The following SLC4A4 variants were observed in gnomAD, a reference collection of about 807,000 sequenced individuals.
SLC4A4 encodes the protein electrogenic sodium bicarbonate cotransporter 1.
SLC4A4 carries 27 observed loss-of-function variants against 111.5 expected under a neutral mutation model. The ratio of observed to expected loss-of-function variants is 0.24; its 90% CI spans 0.18 to 0.33. The LOEUF is 0.33. SLC4A4 is among the 10% of genes least tolerant of loss of function. The probability of loss-of-function intolerance (pLI) is 1.00; values close to 1 mark genes in which losing one functional copy is unlikely to be tolerated. For synonymous variants in SLC4A4, 443 were observed against 463.4 expected (o/e 0.96, Z 0.57); for missense variants, 909 against 1,315.5 (o/e 0.69, Z 4.78).
intron 12 of SLC4A4, among the ~76,000 whole-genome samples, chr4:71,456,333 A>C (rs1389477633): frequency 6.6e-6 from 1 of 152,178 alleles, no homozygotes; most frequent in East Asian, 1.9e-4. Context: ...AAAACACTGA[A>C]AAAGAGGCAT....
rs1719839577 is a variant in SLC4A4 at position 71,236,707 on chromosome 4, T to C, written c.73+58T>C. On this transcript the variant is annotated intron_variant, in intron 2 of 25. Coordinates refer to ENST00000264485, the MANE Select transcript of SLC4A4 (RefSeq NM_001098484.3). ...GACATACATATGTCTCTATAGATAA[T>C]AACATTCATGCATTTCATATATCTT... 6.6e-6 allele frequency: 9 copies of C among 1,356,538 alleles called. No individual in the cohort carries two copies. The South Asian group carries it at 1.1e-4, about 16-fold the overall frequency. The allele number at this position is 1,356,538 out of a possible 1,614,324, so 84.0% of individuals were successfully genotyped here.
chr4:71,502,673 T>C (rs1191979997), intron 16 of SLC4A4, among the ~76,000 whole-genome samples: 1 of 152,258 alleles, frequency 6.6e-6, no homozygotes, highest in African/African-American at 2.4e-5. Flanking sequence ...TTTATAGTTT[T>C]ATATTGTGGT....
chr4:71,285,906 T>A (rs1723878027), intron 3 of SLC4A4, among the ~76,000 whole-genome samples: 1 of 152,138 alleles, frequency 6.6e-6, no homozygotes. Flanking sequence ...ATTCTCAAAT[T>A]TAAATGAGCA....
chr4:71,151,451 C>T (rs1225843704), intron 2 of SLC4A4, among the ~76,000 whole-genome samples: 3 of 152,254 alleles, frequency 2.0e-5, no homozygotes, highest in Admixed American at 2.0e-4. Flanking sequence ...TTCATTTTCT[C>T]TCTCTGACAT....
chr4:71,332,077 A>G (rs1263463637), intron 3 of SLC4A4, among the ~76,000 whole-genome samples: 4 of 152,020 alleles, frequency 2.6e-5, no homozygotes, highest in Non-Finnish European at 5.9e-5. Flanking sequence ...TTTTTCTCTT[A>G]GGCTAAAGGT....
chr4:71,339,714 T>C (rs1167001066), intron 4 of SLC4A4, among the ~76,000 whole-genome samples: 2 of 152,202 alleles, frequency 1.3e-5, no homozygotes, highest in Non-Finnish European at 2.9e-5. Context: ...TATTGGGGCA[T>C]TGTTTCATTG....
intron 2 of SLC4A4, among the ~76,000 whole-genome samples, chr4:71,109,916 C>T (rs1743042984): frequency 6.6e-6 from 1 of 152,148 alleles, no homozygotes; most frequent in Non-Finnish European, 1.5e-5. Context: ...AAGTTGTGTG[C>T]AAGGTTGCTC....
chr4:71,115,728 G>C (rs1169597717), intron 2 of SLC4A4, among the ~76,000 whole-genome samples: 1 of 152,274 alleles, frequency 6.6e-6, no homozygotes. Context: ...ACTGAGAATA[G>C]AGTGCTGTCA....
chr4:71,126,973 G>A (rs1350804880), intron 2 of SLC4A4, among the ~76,000 whole-genome samples: 1 of 152,152 alleles, frequency 6.6e-6, no homozygotes, highest in African/African-American at 2.4e-5. Flanking sequence ...TCCTCTACTG[G>A]GATGGCTAAT....
chr4:71,557,727 A>C lies in SLC4A4; in HGVS notation c.2779A>C (p.Lys927Gln), dbSNP rs1375179516. 6.2e-7 allele frequency: 1 copy of C among 1,612,764 alleles called. No homozygotes were observed. Among genetic ancestry groups the C allele is most frequent in the East Asian group, 2.2e-5 (1 of 44,754 alleles). The change falls in exon 22 of 26, where the codon AAG becomes CAG. Residue 927 changes from lysine (K) to glutamine (Q), a missense_variant. Physicochemically the swap from Lys to Gln is moderately conservative, Grantham distance 53. Coordinates refer to ENST00000264485, the MANE Select transcript of SLC4A4 (RefSeq NM_001098484.3). ...LNGVQFMDRL[K>Q]LLLMPLKHQP... is the part of the protein sequence containing the mutation. ...TCCTCCCCAGTTCATGGATCGTCTGAAGCTGCTTCTGATGCCTCTGAAGCA... is the reference window on the plus strand; with the variant it reads ...TCCTCCCCAGTTCATGGATCGTCTGCAGCTGCTTCTGATGCCTCTGAAGCA...
chr4:71,352,878 C>G (rs909547104), intron 5 of SLC4A4, among the ~76,000 whole-genome samples: 2 of 152,164 alleles, frequency 1.3e-5, no homozygotes, highest in African/African-American at 4.8e-5. Flanking sequence ...AACAGTTGAA[C>G]AGCATCCCTG....
At chr4:71,226,251 C>G (rs112316300) in intron 1 of SLC4A4, among the ~76,000 whole-genome samples, 70 of 152,332 alleles carry the variant, frequency 4.6e-4, no homozygotes, top group African/African-American at 1.4e-3. Flanking sequence ...CTCAAGCAGT[C>G]TTCCCACCTC....
chr4:71,199,549 A>G (rs1206521923), intron 1 of SLC4A4, among the ~76,000 whole-genome samples: 1 of 152,212 alleles, frequency 6.6e-6, no homozygotes, highest in African/African-American at 2.4e-5. Flanking sequence ...AAGAGCCTGG[A>G]AAGTCTGGTG....
chr4:71,453,787 C>A (rs1725975700), intron 12 of SLC4A4, 118 bp downstream of exon 12: 2 of 918,974 alleles, frequency 2.2e-6, no homozygotes, highest in Non-Finnish European at 3.5e-6. Context: ...CTTTCTTTTG[C>A]TGGATGCTGC....
chr4:71,069,331 A>G (rs573328882), intron 1 of SLC4A4, among the ~76,000 whole-genome samples: 1 of 152,210 alleles, frequency 6.6e-6, no homozygotes, highest in Admixed American at 6.5e-5. Flanking sequence ...CCAAAGGTAC[A>G]TTCTCAATCT....
intron 2 of SLC4A4, among the ~76,000 whole-genome samples, chr4:71,120,243 T>C (rs1743378059): frequency 6.6e-6 from 1 of 152,226 alleles, no homozygotes; most frequent in Non-Finnish European, 1.5e-5. Flanking sequence ...AGAAGTTTTG[T>C]ATTGCTTCTG....
chr4:71,549,355 A>G (rs1735795939), intron 20 of SLC4A4, among the ~76,000 whole-genome samples: 1 of 151,856 alleles, frequency 6.6e-6, no homozygotes, highest in Non-Finnish European at 1.5e-5. Context: ...GATCATTTTT[A>G]GAGAGTTCAC....
chr4:71,116,990 T>C (rs1743286488), intron 2 of SLC4A4, among the ~76,000 whole-genome samples: 1 of 152,048 alleles, frequency 6.6e-6, no homozygotes, highest in African/African-American at 2.4e-5. Context: ...TATTTATTTA[T>C]TTTTGAGACA....
intron 3 of SLC4A4, among the ~76,000 whole-genome samples, chr4:71,316,599 G>A (rs1196073573): frequency 6.6e-6 from 1 of 152,088 alleles, no homozygotes; most frequent in East Asian, 1.9e-4. Flanking sequence ...AAATGCGCAA[G>A]TTTGTTACAC....
Sources: gnomAD v4.1 joint callset for allele counts (sites outside exome capture counted in the v4.1 genomes callset) on GRCh38, gnomAD v4.1.1 for gene constraint, MANE v1.5 for transcripts, NCBI Gene and HGNC (gene_info 2026-07-23, HGNC 2026-07-21) for gene names.